Variants in CNTNAP3B observed in about 807,000 individuals in gnomAD.
CNTNAP3B encodes contactin-associated protein-like 3B.
Under a neutral mutation model 108.9 loss-of-function variants are expected in CNTNAP3B, and 25 were observed. The observed-to-expected ratio is 0.23, with a 90% CI of 0.17 to 0.32. The LOEUF is 0.32. Ranked by LOEUF, CNTNAP3B falls within the 10% of genes least tolerant of loss-of-function variation. CNTNAP3B has a pLI of 1.00. For missense variants in CNTNAP3B, 252 were observed against 1,210.4 expected (o/e 0.21, Z 11.75); for synonymous variants, 103 against 473.4 (o/e 0.22, Z 10.16).
chr9:41,945,809 C>A (rs1407101439), intron 13 of CNTNAP3B, among the ~76,000 whole-genome samples: 1 of 152,218 alleles, frequency 6.6e-6, no homozygotes, highest in East Asian at 1.9e-4. Context: ...ACAACAACAA[C>A]AAAACCCATG....
At chr9:41,917,988 C>T (rs1282432205) in intron 18 of CNTNAP3B, among the ~76,000 whole-genome samples, 1 of 152,304 alleles carries the variant, frequency 6.6e-6, no homozygotes, top group South Asian at 2.1e-4. Flanking sequence ...ATAAATGTTT[C>T]TTCATTTGAT....
chr9:42,046,108 A>G (rs1826870380), intron 3 of CNTNAP3B, among the ~76,000 whole-genome samples: 2 of 124,790 alleles, frequency 1.6e-5, no homozygotes, highest in African/African-American at 6.6e-5. Flanking sequence ...CACTTTGCAA[A>G]CCACACAAGG....
At chr9:41,986,365 A>C in intron 8 of CNTNAP3B, 54 bp from the exon 9 acceptor site, 1 of 966,438 alleles carries the variant, frequency 1.0e-6, no homozygotes, top group Non-Finnish European at 1.5e-6. Context: ...CTCTGTAAAC[A>C]CTTGAAAACA....
Position 42,053,214 on chromosome 9 carries a change from G to A in CNTNAP3B, c.390+23655C>T, listed in dbSNP as rs941632466. 2.3e-5 allele frequency among the ~76,000 whole-genome samples: 2 copies of A among 88,662 alleles called. 1 individual carries two copies. Among genetic ancestry groups the A allele is most frequent in the Non-Finnish European group, 4.6e-5 (2 of 43,118 alleles). The allele number at this position is 88,662 out of a possible 152,430, so 58.2% of individuals were successfully genotyped here. ...TGGAGCCCAACAGGTCTCAGCCTCA[G>A]TGTTCCCAGCCCCTACGCAAGATGG... On this transcript the variant is annotated intron_variant, in intron 3 of 23. Coordinates refer to ENST00000377561, the MANE Select transcript of CNTNAP3B (RefSeq NM_001201380.3).
At chr9:41,995,574 A>G (rs972027244) in intron 7 of CNTNAP3B, among the ~76,000 whole-genome samples, 3 of 133,324 alleles carry the variant, frequency 2.3e-5, no homozygotes, top group African/African-American at 9.2e-5. Flanking sequence ...TCTCTACTAA[A>G]AATACAAAAA....
intron 3 of CNTNAP3B, among the ~76,000 whole-genome samples, chr9:42,037,218 G>A (rs1411726195): frequency 6.8e-6 from 1 of 146,370 alleles, no homozygotes; most frequent in Non-Finnish European, 1.5e-5. Context: ...TGAGTTGAGA[G>A]AAGAAGGTTT....
At chr9:42,069,593 TC>T (rs1827329309) in intron 3 of CNTNAP3B, among the ~76,000 whole-genome samples, 1 of 115,690 alleles carries the variant, frequency 8.6e-6, no homozygotes, top group South Asian at 3.0e-4. Flanking sequence ...CTAGCACAGA[TC>T]CATCTCAAAC....
At chr9:41,917,037 G>C (rs1454968473) in intron 18 of CNTNAP3B, among the ~76,000 whole-genome samples, 1 of 152,252 alleles carries the variant, frequency 6.6e-6, no homozygotes, top group Non-Finnish European at 1.5e-5. Flanking sequence ...TGTGTCATCT[G>C]TATTTCACTG....
At chr9:41,945,575 T>C (rs1824508521) in intron 13 of CNTNAP3B, among the ~76,000 whole-genome samples, 2 of 152,306 alleles carry the variant, frequency 1.3e-5, no homozygotes, top group African/African-American at 2.4e-5. Context: ...ATGAGAACAC[T>C]TGGACACAGG....
chr9:42,003,450 A>G lies in CNTNAP3B; in HGVS notation c.539-4846T>C, dbSNP rs1383101351. Among the ~76,000 whole-genome samples the G allele has an allele frequency of 4.2e-5, 4 of 95,192 alleles. 1 individual carries two copies. Among genetic ancestry groups the G allele is most frequent in the Non-Finnish European group, 9.2e-5 (4 of 43,606 alleles). 62.4% of individuals were successfully genotyped at this position (95,192 alleles called of 152,430 possible). Reference sequence around the variant, plus strand: ...GAAATTTTCTTAAAGTGTTCTATCAATCACCTTCACTCAGATTGACTAGGA... The same window carrying G: ...GAAATTTTCTTAAAGTGTTCTATCAGTCACCTTCACTCAGATTGACTAGGA... On this transcript the variant is annotated intron_variant, in intron 4 of 23. Transcript: ENST00000377561.
intron 14 of CNTNAP3B, among the ~76,000 whole-genome samples, chr9:41,937,339 C>G (rs1270296467): frequency 2.0e-5 from 3 of 151,938 alleles, no homozygotes; most frequent in Admixed American, 2.0e-4. Flanking sequence ...ATTGGCCAGG[C>G]TGGTCTCAAC....
At chr9:42,018,788 TG>T (rs1172870219) in intron 3 of CNTNAP3B, among the ~76,000 whole-genome samples, 2 of 151,862 alleles carry the variant, frequency 1.3e-5, no homozygotes, top group Non-Finnish European at 2.9e-5. Context: ...CAACATATAC[TG>T]GTTCTGTGAC....
intron 12 of CNTNAP3B, among the ~76,000 whole-genome samples, chr9:41,959,805 G>T (rs1422440681): frequency 1.3e-5 from 2 of 152,302 alleles, no homozygotes; most frequent in Non-Finnish European, 2.9e-5. Flanking sequence ...GACCCATTTG[G>T]TTATTGTCCA....
At position 42,116,205 on chromosome 9, in the gene CNTNAP3B, A is replaced by T. The variant is rs1361874947; in HGVS notation, c.86-11466T>A. On this transcript the variant is annotated intron_variant, in intron 1 of 23. Coordinates refer to ENST00000377561, the MANE Select transcript of CNTNAP3B (RefSeq NM_001201380.3). ...AAAAGAAATGAACAAAGCCTCCAAG[A>T]AATATGTGACTGTGAAAAGATTCAC... Among the ~76,000 whole-genome samples, 3 of 137,834 alleles carry T rather than the reference A, an allele frequency of 2.2e-5. No individual in the cohort carries two copies. The Admixed American group carries it at 2.2e-4, about 10-fold the overall frequency. The allele number at this position is 137,834 out of a possible 152,430, so 90.4% of individuals were successfully genotyped here.
chr9:41,940,436 G>T (rs967701612), intron 13 of CNTNAP3B, among the ~76,000 whole-genome samples: 1 of 152,304 alleles, frequency 6.6e-6, no homozygotes, highest in Non-Finnish European at 1.5e-5. Context: ...AGAAGGAATG[G>T]CATATTTTTT....
chr9:41,957,904 G>C (rs1018555132), intron 12 of CNTNAP3B, among the ~76,000 whole-genome samples: 1 of 150,974 alleles, frequency 6.6e-6, no homozygotes, highest in Middle Eastern at 3.6e-3. Flanking sequence ...GGGACTACAG[G>C]CACCCGCCAC....
chr9:42,108,693 T>C (rs5019527), intron 1 of CNTNAP3B, among the ~76,000 whole-genome samples: 50,058 of 124,494 alleles, frequency 0.4, 13,373 homozygotes, highest in East Asian at 0.66. Flanking sequence ...CTGCACTTCC[T>C]TAGGCTTGTT....
At position 42,117,945 on chromosome 9, in the gene CNTNAP3B, C is replaced by T. The variant is rs1186188976; in HGVS notation, c.85+11065G>A. ...ATCTAGAAGAAATGGATAAATTCCT[C>T]GACACATACATCCTCCCAAGACTAA... is the stretch of plus-strand genomic sequence containing the variant. On this transcript the variant is annotated intron_variant, in intron 1 of 23. Transcript: ENST00000377561. Among the ~76,000 whole-genome samples the T allele has an allele frequency of 5.8e-5, 8 of 137,970 alleles. 1 individual carries two copies. Among genetic ancestry groups the T allele is most frequent in the South Asian group, 2.4e-4 (1 of 4,240 alleles). The allele number at this position is 137,970 out of a possible 152,430, so 90.5% of individuals were successfully genotyped here.
chr9:41,934,218 CTTT>C (rs760498324), intron 14 of CNTNAP3B, among the ~76,000 whole-genome samples: 7 of 118,840 alleles, frequency 5.9e-5, no homozygotes, highest in Non-Finnish European at 6.8e-5. Flanking sequence ...CACACACATA[CTTT>C]TTTTTTTTTT....
Sources: gnomAD v4.1 joint callset for allele counts (sites outside exome capture counted in the v4.1 genomes callset) on GRCh38, gnomAD v4.1.1 for gene constraint, MANE v1.5 for transcripts, NCBI Gene and HGNC (gene_info 2026-07-23, HGNC 2026-07-21) for gene names.